Variants in INPP4B observed in about 807,000 individuals in gnomAD.
INPP4B encodes the protein inositol polyphosphate 4-phosphatase type II.
Under a neutral mutation model 122.5 loss-of-function variants are expected in INPP4B, and 55 were observed. That is an observed-to-expected ratio of 0.45 (90% CI 0.36 to 0.56). INPP4B has a LOEUF of 0.56. Among genes scored for constraint, INPP4B ranks in the 20% least tolerant of loss-of-function variants. The probability of loss-of-function intolerance (pLI) is 0.00; values close to 1 mark genes in which losing one functional copy is unlikely to be tolerated. For synonymous variants in INPP4B, 403 were observed against 388.7 expected, an observed-to-expected ratio of 1.04 and a Z score of -0.43; for missense variants, 1,000 against 1,097.7, an observed-to-expected ratio of 0.91 and a Z score of 1.26.
intron 2 of INPP4B, among the ~76,000 whole-genome samples, chr4:142,565,207 C>T (rs1731372970): frequency 6.6e-6 from 1 of 152,076 alleles, no homozygotes; most frequent in Non-Finnish European, 1.5e-5. Context: ...AAAACTATGG[C>T]TCCTTGGAGA....
chr4:142,093,820 G>A (rs1359964514), intron 23 of INPP4B, among the ~76,000 whole-genome samples: 1 of 152,012 alleles, frequency 6.6e-6, no homozygotes, highest in East Asian at 1.9e-4. Context: ...GGTCTGCGTT[G>A]AATATTTTTG....
At chr4:142,458,611 T>TA (rs986300545) in intron 3 of INPP4B, among the ~76,000 whole-genome samples, 2 of 151,706 alleles carry the variant, frequency 1.3e-5, no homozygotes, top group Non-Finnish European at 2.9e-5. Context: ...ATTGCAGGAA[T>TA]AAAAAAAGGA....
intron 2 of INPP4B, among the ~76,000 whole-genome samples, chr4:142,629,772 C>T (rs544962651): frequency 6.6e-6 from 1 of 152,028 alleles, no homozygotes; most frequent in Admixed American, 6.6e-5. Flanking sequence ...ATGTTTGATG[C>T]AGCATAATAT....
intron 7 of INPP4B, among the ~76,000 whole-genome samples, chr4:142,325,801 C>T (rs1360561319): frequency 6.6e-6 from 1 of 152,150 alleles, no homozygotes; most frequent in Non-Finnish European, 1.5e-5. Context: ...ATACAGGACT[C>T]ATGTAGTTCT....
chr4:142,507,426 C>T (rs1824168148), intron 2 of INPP4B, among the ~76,000 whole-genome samples: 1 of 152,014 alleles, frequency 6.6e-6, no homozygotes, highest in African/African-American at 2.4e-5. Flanking sequence ...ACTACTATTT[C>T]TGCTTTCTTG....
At chr4:142,671,750 T>C (rs1487312042) in intron 2 of INPP4B, among the ~76,000 whole-genome samples, 1 of 152,158 alleles carries the variant, frequency 6.6e-6, no homozygotes, top group Admixed American at 6.6e-5. Flanking sequence ...CCCATCGAAG[T>C]GGTTAAAATT....
chr4:142,776,915 G>C (rs182732860), intron 1 of INPP4B, among the ~76,000 whole-genome samples: 3 of 152,120 alleles, frequency 2.0e-5, no homozygotes, highest in East Asian at 3.9e-4. Context: ...AAATGATCAT[G>C]AGTAGTGACT....
intron 2 of INPP4B, among the ~76,000 whole-genome samples, chr4:142,506,540 A>G (rs58054661): frequency 0.012 from 1,808 of 152,272 alleles, 35 homozygotes; most frequent in African/African-American, 0.041. Context: ...ATGGCACCGT[A>G]CCGACTTACA....
intron 2 of INPP4B, among the ~76,000 whole-genome samples, chr4:142,530,884 C>T (rs1233921731): frequency 1.3e-5 from 2 of 151,946 alleles, no homozygotes; most frequent in South Asian, 2.1e-4. Context: ...AGGAGGAGAA[C>T]AGGTCAGAGA....
At chr4:142,196,941 A>G (rs1163048597) in intron 14 of INPP4B, among the ~76,000 whole-genome samples, 1 of 151,792 alleles carries the variant, frequency 6.6e-6, no homozygotes, top group Non-Finnish European at 1.5e-5. Context: ...GCTGGTCAAC[A>G]TGATGAAACC....
At chr4:142,475,662 T>C (rs1253837149) in intron 2 of INPP4B, among the ~76,000 whole-genome samples, 1 of 152,130 alleles carries the variant, frequency 6.6e-6, no homozygotes, top group Non-Finnish European at 1.5e-5. Context: ...ACTGAGCTGA[T>C]AGAAGTCAAA....
intron 3 of INPP4B, among the ~76,000 whole-genome samples, chr4:142,452,077 C>G (rs1355564354): frequency 6.6e-6 from 1 of 152,138 alleles, no homozygotes; most frequent in Non-Finnish European, 1.5e-5. Context: ...CGACAGGCCT[C>G]TGTGTGTGAT....
intron 2 of INPP4B, among the ~76,000 whole-genome samples, chr4:142,574,377 G>C (rs1297639012): frequency 7.2e-5 from 11 of 152,028 alleles, no homozygotes; most frequent in Non-Finnish European, 1.3e-4. Context: ...CTCCCTCCAA[G>C]CTTCCTCACA....
chr4:142,570,615 C>A (rs1732590315), intron 2 of INPP4B, among the ~76,000 whole-genome samples: 1 of 151,726 alleles, frequency 6.6e-6, no homozygotes, highest in African/African-American at 2.4e-5. Context: ...TATAATTAAG[C>A]CATTTAAAGT....
At chr4:142,646,619 T>C (rs528155311) in intron 2 of INPP4B, among the ~76,000 whole-genome samples, 1 of 152,232 alleles carries the variant, frequency 6.6e-6, no homozygotes, top group East Asian at 1.9e-4. Flanking sequence ...ATTAAAAAAA[T>C]AATGGAGAAT....
chr4:142,784,055 C>T (rs1775341229), intron 1 of INPP4B, among the ~76,000 whole-genome samples: 1 of 152,082 alleles, frequency 6.6e-6, no homozygotes, highest in South Asian at 2.1e-4. Flanking sequence ...AGTAAAAAAA[C>T]TGAACAAACT....
At chr4:142,279,547 A>C (rs1750209161) in intron 9 of INPP4B, among the ~76,000 whole-genome samples, 1 of 137,806 alleles carries the variant, frequency 7.3e-6, no homozygotes, top group Admixed American at 7.0e-5. Context: ...CCATTTGGAA[A>C]AAAAATAAAC....
At chr4:142,266,753 G>A (rs1037093864) in intron 10 of INPP4B, among the ~76,000 whole-genome samples, 1 of 152,024 alleles carries the variant, frequency 6.6e-6, no homozygotes, top group African/African-American at 2.4e-5. Flanking sequence ...TATCCAAATA[G>A]GAAAGGAAGA....
chr4:142,486,724 T>A (rs1326738881), intron 2 of INPP4B, among the ~76,000 whole-genome samples: 10 of 152,216 alleles, frequency 6.6e-5, no homozygotes, highest in Non-Finnish European at 5.9e-5. Flanking sequence ...GTTTTCTTTT[T>A]TAAAGTTTTA....
Sources: gnomAD v4.1 joint callset for allele counts (sites outside exome capture counted in the v4.1 genomes callset) on GRCh38, gnomAD v4.1.1 for gene constraint, MANE v1.5 for transcripts, NCBI Gene and HGNC (gene_info 2026-07-23, HGNC 2026-07-21) for gene names.